LEMD1: variants seen among roughly 807,000 people sequenced by gnomAD.
LEMD1 encodes LEM domain containing 1.
Under a neutral mutation model 17.4 loss-of-function variants are expected in LEMD1, and 18 were observed. The observed-to-expected ratio is 1.04, with a 90% confidence interval of 0.72 to 1.54. LEMD1 has a LOEUF of 1.54. Ranked by LOEUF, LEMD1 falls within the 40% of genes most tolerant of loss-of-function variation. LEMD1 has a pLI of 0.00. For missense variants in LEMD1, 195 were observed against 210.4 expected, an observed-to-expected ratio of 0.93 and a Z score of 0.45; for synonymous variants, 88 against 77.8, an observed-to-expected ratio of 1.13 and a Z score of -0.69.
At chr1:205,424,765 T>C (rs1339691768), upstream of LEMD1, among the ~76,000 whole-genome samples, 1 of 152,150 alleles carries the variant, frequency 6.6e-6, no homozygotes, top group Non-Finnish European at 1.5e-5. Flanking sequence ...GGTGGATCCC[T>C]CCAATTTGTG....
chr1:205,430,332 C>T, intron 1 of LEMD1, among the ~76,000 whole-genome samples: 1 of 152,166 alleles, frequency 6.6e-6, no homozygotes, highest in East Asian at 1.9e-4. Context: ...GGGGCATCCT[C>T]AAATCAGACC....
chr1:205,427,443 A>G (rs1253194141), intron 1 of LEMD1, among the ~76,000 whole-genome samples: 2 of 151,918 alleles, frequency 1.3e-5, no homozygotes, highest in African/African-American at 4.8e-5. Context: ...GCTTCTCATA[A>G]TAAAGGCCAG....
chr1:205,389,228 T>C (rs1273836640), intron 4 of LEMD1, among the ~76,000 whole-genome samples: 1 of 151,960 alleles, frequency 6.6e-6, no homozygotes, highest in Non-Finnish European at 1.5e-5. Flanking sequence ...TTTGTATTTT[T>C]AGTAGAGATG....
At chr1:205,420,618 A>T in intron 1 of LEMD1, 44 bp from the exon 2 acceptor site, 1 of 1,044,608 alleles carries the variant, frequency 9.6e-7, no homozygotes. Flanking sequence ...AGCCTTACCA[A>T]TAAGTACTAA....
At chr1:205,442,881 G>A (rs1343268131) in intron 1 of LEMD1, among the ~76,000 whole-genome samples, 1 of 152,184 alleles carries the variant, frequency 6.6e-6, no homozygotes, top group African/African-American at 2.4e-5. Context: ...TAGGTGGCCT[G>A]GGTTCTATTC....
At chr1:205,434,211 G>C (rs1371620835) in intron 1 of LEMD1, among the ~76,000 whole-genome samples, 1 of 150,946 alleles carries the variant, frequency 6.6e-6, no homozygotes, top group African/African-American at 2.4e-5. Context: ...TCTCTTTTGA[G>C]ACAGGGTCTT....
intron 1 of LEMD1, among the ~76,000 whole-genome samples, chr1:205,449,028 C>G (rs1392402029): frequency 1.3e-5 from 2 of 152,258 alleles, no homozygotes; most frequent in East Asian, 3.9e-4. Context: ...AGAGTGAGAT[C>G]TCTGTCTCCA....
At chr1:205,429,499 T>C (rs902778235) in intron 1 of LEMD1, among the ~76,000 whole-genome samples, 1 of 152,152 alleles carries the variant, frequency 6.6e-6, no homozygotes, top group African/African-American at 2.4e-5. Flanking sequence ...AGCTCTGGGC[T>C]AGAGAGAAAT....
intron 4 of LEMD1, among the ~76,000 whole-genome samples, chr1:205,403,951 T>C (rs1310019491): frequency 1.3e-5 from 2 of 151,958 alleles, no homozygotes; most frequent in African/African-American, 4.8e-5. Flanking sequence ...GCCTTCATTT[T>C]GTTATGTACC....
At chr1:205,406,067 TTG>T (rs1665082539) in intron 4 of LEMD1, among the ~76,000 whole-genome samples, 1 of 152,228 alleles carries the variant, frequency 6.6e-6, no homozygotes, top group Admixed American at 6.5e-5. Context: ...TCTGGAAGTT[TTG>T]TCTCAGAGGA....
chr1:205,417,954 T>C (rs1665773273), intron 3 of LEMD1, among the ~76,000 whole-genome samples: 1 of 152,000 alleles, frequency 6.6e-6, no homozygotes, highest in Non-Finnish European at 1.5e-5. Flanking sequence ...CTCAGTTCTC[T>C]CACTTTCTTT....
In LEMD1 at chr1:205,441,546, G is replaced by A. The variant is rs1666294361; in HGVS notation, c.-39+8322C>T. 6.6e-6 allele frequency among the ~76,000 whole-genome samples: 1 copy of A among 152,152 alleles called. No homozygotes were observed. Among genetic ancestry groups the A allele is most frequent in the African/African-American group, 2.4e-5 (1 of 41,436 alleles). On this transcript the variant is annotated intron_variant, in intron 1 of 3. Transcript: ENST00000367154. The surrounding 1 kb of genome is among the most constrained non-coding windows in gnomAD (Gnocchi z 4.3). ...AATGCGGACCCCTTCATCCAGTGTAGCTTTACTTTGACACCTGGGACCGAG... is the reference window on the plus strand; with the variant it reads ...AATGCGGACCCCTTCATCCAGTGTAACTTTACTTTGACACCTGGGACCGAG...
In LEMD1 at chr1:205,382,145, G is replaced by A. The variant is rs902665781; in HGVS notation, c.348-289C>T. On this transcript the variant is annotated intron_variant, in intron 5 of 5. Coordinates refer to ENST00000367153, the MANE Select transcript of LEMD1 (RefSeq NM_001199050.2). ...GCCTCTCGAGTAGCTCGGACCACAG[G>A]TACATGCCACCACCCCCAGCTAATT... 3 of 348,960 alleles carry A rather than the reference G, an allele frequency of 8.6e-6. No individual in the cohort carries two copies. The South Asian group carries it at 1.3e-4, about 15-fold the overall frequency. The allele number at this position is 348,960 out of a possible 1,614,324, so 21.6% of individuals were successfully genotyped here.
At chr1:205,406,962 G>C (rs1171889361) in intron 4 of LEMD1, among the ~76,000 whole-genome samples, 1 of 152,148 alleles carries the variant, frequency 6.6e-6, no homozygotes, top group African/African-American at 2.4e-5. Context: ...CTAATGAGTT[G>C]GCTGGTGCCC....
intron 1 of LEMD1, among the ~76,000 whole-genome samples, chr1:205,443,629 G>A (rs1487101356): frequency 2.6e-5 from 4 of 152,140 alleles, no homozygotes; most frequent in African/African-American, 9.7e-5. Context: ...ATCATAAACA[G>A]GGCCTGGTTA....
At chr1:205,405,720 T>C (rs1277744137) in intron 4 of LEMD1, among the ~76,000 whole-genome samples, 2 of 152,028 alleles carry the variant, frequency 1.3e-5, no homozygotes, top group Non-Finnish European at 2.9e-5. Flanking sequence ...TCATTCTCCA[T>C]CCAGCTTTGT....
intron 4 of LEMD1, among the ~76,000 whole-genome samples, chr1:205,402,866 A>G (rs1030077941): frequency 7.2e-5 from 11 of 151,886 alleles, no homozygotes; most frequent in Non-Finnish European, 1.6e-4. Flanking sequence ...TTATTTTGAG[A>G]TACATCCCAT....
At chr1:205,427,503 G>GAGAC (rs1553398593) in intron 1 of LEMD1, among the ~76,000 whole-genome samples, 57 of 151,530 alleles carry the variant, frequency 3.8e-4, no homozygotes, top group African/African-American at 1.3e-3. Context: ...GAGAGAGAGA[G>GAGAC]AGAGACAGAG....
chr1:205,435,137 C>G (rs562121099), intron 1 of LEMD1: 3 of 152,222 alleles, frequency 2.0e-5, no homozygotes, highest in Admixed American at 6.5e-5. Flanking sequence ...TGCTACTTTA[C>G]AGAATTAATC....
Sources: allele counts gnomAD v4.1 joint callset (sites outside exome capture counted in the v4.1 genomes callset), GRCh38; gene constraint gnomAD v4.1.1; non-coding constraint Gnocchi (gnomAD v3.1); transcripts MANE v1.5; gene names NCBI Gene and HGNC (gene_info 2026-07-23, HGNC 2026-07-21).